MYRIP: variants seen among roughly 807,000 people sequenced by gnomAD.
MYRIP encodes myosin VIIA and Rab interacting protein, also known as rab effector MyRIP.
A neutral mutation model predicts 98.0 loss-of-function variants in MYRIP; 49 were observed. That is an observed-to-expected ratio of 0.50 (90% confidence interval 0.40 to 0.63). The LOEUF is 0.63. Ranked by LOEUF, MYRIP falls within the 30% of genes least tolerant of loss-of-function variation. MYRIP has a pLI of 0.00. For missense variants in MYRIP, 1,004 were observed against 1,058.2 expected (o/e 0.95, Z 0.71); for synonymous variants, 404 against 409.5 (o/e 0.99, Z 0.16).
chr3:39,984,658 G>C (rs1450694393), intron 2 of MYRIP, among the ~76,000 whole-genome samples: 1 of 152,018 alleles, frequency 6.6e-6, no homozygotes, highest in Non-Finnish European at 1.5e-5. Context: ...CCAAGTCTTT[G>C]CTGTTGTGAA....
At chr3:40,100,654 T>C (rs1043149688) in intron 3 of MYRIP, among the ~76,000 whole-genome samples, 1 of 152,204 alleles carries the variant, frequency 6.6e-6, no homozygotes, top group Non-Finnish European at 1.5e-5. Context: ...GGGACTAAAC[T>C]TCTTAGTTTA....
chr3:40,038,566 G>T (rs1206283041), intron 2 of MYRIP, among the ~76,000 whole-genome samples: 1 of 152,124 alleles, frequency 6.6e-6, no homozygotes, highest in African/African-American at 2.4e-5. Context: ...CATAATGACA[G>T]AGGTAGCAGA....
chr3:40,170,759 G>C (rs990381733), intron 8 of MYRIP, among the ~76,000 whole-genome samples: 2 of 152,214 alleles, frequency 1.3e-5, no homozygotes. Context: ...GGCCAGTAGG[G>C]CTCTGGTTCT....
At chr3:40,090,425 A>T (rs1200374061) in intron 3 of MYRIP, among the ~76,000 whole-genome samples, 1 of 152,168 alleles carries the variant, frequency 6.6e-6, no homozygotes, top group African/African-American at 2.4e-5. Context: ...TTGTCTTTGC[A>T]TATGACAAGT....
At chr3:39,956,315 G>A (rs958031526) in intron 2 of MYRIP, among the ~76,000 whole-genome samples, 1 of 151,978 alleles carries the variant, frequency 6.6e-6, no homozygotes, top group South Asian at 2.1e-4. Flanking sequence ...GAACAGAAAT[G>A]ATAACAAACT....
intron 3 of MYRIP, among the ~76,000 whole-genome samples, chr3:40,131,244 A>T (rs1949632268): frequency 6.6e-6 from 1 of 152,184 alleles, no homozygotes; most frequent in Non-Finnish European, 1.5e-5. Flanking sequence ...AAAGCTTGGT[A>T]GTGTTTTAAT....
chr3:39,848,707 C>T lies in MYRIP; in HGVS notation c.-31+38791C>T, dbSNP rs550822685. ...CAGAAATCCATGTCAGACATGTAAACATGTTATACACTTGAGATTCATCAG... is the reference window on the plus strand; with the variant it reads ...CAGAAATCCATGTCAGACATGTAAATATGTTATACACTTGAGATTCATCAG... On this transcript the variant is annotated intron_variant, in intron 1 of 16. Coordinates refer to ENST00000302541, the MANE Select transcript of MYRIP (RefSeq NM_015460.4). 3.3e-5 allele frequency among the ~76,000 whole-genome samples: 5 copies of T among 152,296 alleles called. No homozygotes were observed. In the East Asian group the frequency reaches 7.7e-4, roughly 24 times the overall value.
intron 1 of MYRIP, among the ~76,000 whole-genome samples, chr3:39,867,851 T>A (rs573229951): frequency 9.9e-5 from 15 of 152,206 alleles, no homozygotes; most frequent in Non-Finnish European, 1.9e-4. Context: ...TGCACCTCCA[T>A]GTTCATTGCA....
chr3:39,998,476 G>A (rs1215342376), intron 2 of MYRIP, among the ~76,000 whole-genome samples: 3 of 152,174 alleles, frequency 2.0e-5, no homozygotes, highest in Admixed American at 6.5e-5. Flanking sequence ...AACAACGGAC[G>A]TGAAGGACCT....
intron 3 of MYRIP, among the ~76,000 whole-genome samples, chr3:40,117,230 C>T (rs919149897): frequency 6.6e-6 from 1 of 152,086 alleles, no homozygotes; most frequent in Non-Finnish European, 1.5e-5. Flanking sequence ...TATCATACAC[C>T]GGTTATGTAA....
intron 2 of MYRIP, among the ~76,000 whole-genome samples, chr3:39,965,185 C>T (rs555514541): frequency 6.6e-5 from 10 of 152,034 alleles, no homozygotes; most frequent in South Asian, 4.2e-4. Context: ...ATTAGTATTG[C>T]GACCCAATTG....
At chr3:39,887,919 C>G (rs1171531085) in intron 1 of MYRIP, among the ~76,000 whole-genome samples, 1 of 151,738 alleles carries the variant, frequency 6.6e-6, no homozygotes, top group African/African-American at 2.4e-5. Context: ...GAGTGAACTC[C>G]CATTCACAAT....
intron 1 of MYRIP, among the ~76,000 whole-genome samples, chr3:39,880,705 A>G (rs1466708795): frequency 6.6e-6 from 1 of 152,222 alleles, no homozygotes; most frequent in Non-Finnish European, 1.5e-5. Flanking sequence ...AAATGGATCA[A>G]TACACATAAA....
At chr3:39,818,444 A>C (rs923390452) in intron 1 of MYRIP, among the ~76,000 whole-genome samples, 1 of 152,118 alleles carries the variant, frequency 6.6e-6, no homozygotes, top group Non-Finnish European at 1.5e-5. Flanking sequence ...TTCATGGCCA[A>C]CTTCACTATA....
At chr3:39,920,522 T>C (rs1944281622) in intron 2 of MYRIP, among the ~76,000 whole-genome samples, 1 of 152,200 alleles carries the variant, frequency 6.6e-6, no homozygotes, top group African/African-American at 2.4e-5. Flanking sequence ...ATGTCTTTTA[T>C]TTAGGGAGGT....
intron 1 of MYRIP, among the ~76,000 whole-genome samples, chr3:39,843,172 A>G (rs1297062584): frequency 6.6e-6 from 1 of 152,114 alleles, no homozygotes; most frequent in Non-Finnish European, 1.5e-5. Context: ...TATCTATCTA[A>G]TAGGATATTA....
At chr3:39,987,511 T>G (rs10084678) in intron 2 of MYRIP, among the ~76,000 whole-genome samples, 73,833 of 151,982 alleles carry the variant, frequency 0.49, 19,106 homozygotes, top group African/African-American at 0.69. Flanking sequence ...ATTCCTTTGG[T>G]TATATACCCA....
At chr3:40,010,537 A>G (rs1186669981) in intron 2 of MYRIP, among the ~76,000 whole-genome samples, 1 of 152,232 alleles carries the variant, frequency 6.6e-6, no homozygotes, top group Non-Finnish European at 1.5e-5. Flanking sequence ...ACAGCCCATC[A>G]TGAACCAGTG....
In MYRIP at chr3:39,941,637, T is replaced by A. The variant is rs1345514172; in HGVS notation, c.110+40711T>A. ...TTAAACAGTATCCTGTATCATTAGA[T>A]ATGACAGCATTAGATTATATTATAA... On this transcript the variant is annotated intron_variant, in intron 2 of 16. Coordinates refer to ENST00000302541, the MANE Select transcript of MYRIP (RefSeq NM_015460.4). Among the ~76,000 whole-genome samples the A allele has an allele frequency of 4.6e-5, 7 of 152,174 alleles. No homozygotes were observed. In the East Asian group the frequency reaches 1.4e-3, roughly 29 times the overall value.
Sources: allele counts gnomAD v4.1 joint callset (sites outside exome capture counted in the v4.1 genomes callset), GRCh38; gene constraint gnomAD v4.1.1; transcripts MANE v1.5; gene names NCBI Gene and HGNC (gene_info 2026-07-23, HGNC 2026-07-21).